CSMD1: variants seen among roughly 807,000 people sequenced by gnomAD.
CSMD1 encodes CUB and Sushi multiple domains 1, also known as CUB and sushi domain-containing protein 1.
Under a neutral mutation model 417.5 loss-of-function variants are expected in CSMD1, and 213 were observed. That is an observed-to-expected ratio of 0.51 (90% CI 0.46 to 0.57). CSMD1 has a LOEUF of 0.57. Ranked by LOEUF, CSMD1 falls within the 20% of genes least tolerant of loss-of-function variation. The pLI, the probability that CSMD1 is intolerant of heterozygous loss-of-function variation, is 0.00. For synonymous variants in CSMD1, 2,862 were observed against 1,736.8 expected (o/e 1.65, Z -16.11); for missense variants, 6,923 against 4,529.7 (o/e 1.53, Z -15.17).
chr8:4,599,320 A>G (rs756301465), intron 2 of CSMD1, among the ~76,000 whole-genome samples: 12 of 152,158 alleles, frequency 7.9e-5, no homozygotes, highest in Non-Finnish European at 1.0e-4. Flanking sequence ...TGTGTAGTCA[A>G]CTAGACAGAC....
At chr8:4,829,595 G>C (rs1347145458) in intron 1 of CSMD1, among the ~76,000 whole-genome samples, 3 of 152,008 alleles carry the variant, frequency 2.0e-5, no homozygotes, top group African/African-American at 7.3e-5. Flanking sequence ...TACACAATTA[G>C]CTGGGCACAG....
At chr8:3,995,183 C>T (rs569522969) in intron 5 of CSMD1, among the ~76,000 whole-genome samples, 1 of 152,064 alleles carries the variant, frequency 6.6e-6, no homozygotes, top group Non-Finnish European at 1.5e-5. Flanking sequence ...TAAAAGGGTA[C>T]TTCAAATTAT....
chr8:4,247,656 C>T (rs915669975), intron 3 of CSMD1, among the ~76,000 whole-genome samples: 1 of 152,134 alleles, frequency 6.6e-6, no homozygotes, highest in African/African-American at 2.4e-5. Flanking sequence ...CACCATTCAA[C>T]ATGTGAAATT....
At chr8:4,680,008 T>A (rs948296762) in intron 1 of CSMD1, among the ~76,000 whole-genome samples, 1 of 152,192 alleles carries the variant, frequency 6.6e-6, no homozygotes, top group South Asian at 2.1e-4. Flanking sequence ...TTTGTTTTAG[T>A]ACTCTTCAAG....
chr8:4,071,000 A>G (rs532827013), intron 3 of CSMD1, among the ~76,000 whole-genome samples: 7 of 152,090 alleles, frequency 4.6e-5, no homozygotes, highest in African/African-American at 1.7e-4. Context: ...TAATGCGTCC[A>G]TTTTCTGTGG....
chr8:3,893,768 G>C (rs761954439), intron 5 of CSMD1, among the ~76,000 whole-genome samples: 3 of 152,038 alleles, frequency 2.0e-5, no homozygotes, highest in Non-Finnish European at 4.4e-5. Flanking sequence ...ATTCAAGAAA[G>C]CTATCTTCAG....
intron 3 of CSMD1, among the ~76,000 whole-genome samples, chr8:4,054,229 C>T (rs529283958): frequency 3.3e-5 from 5 of 152,184 alleles, no homozygotes; most frequent in African/African-American, 9.6e-5. Context: ...TCTCTTGTAG[C>T]TGAACATGGA....
At position 3,277,197 on chromosome 8, in the gene CSMD1, G is replaced by A. The variant is rs144421400; in HGVS notation, c.4153+6947C>T. 2.3e-3 allele frequency among the ~76,000 whole-genome samples: 351 copies of A among 152,268 alleles called. 4 individuals are homozygous for A. The highest frequency in any genetic ancestry group is 8.3e-3 in the African/African-American group (343 of 41,562). ...GGATGATGTTGAAAATTGCTTAGGG[G>A]AAGTTTTCAGAGGGTTTTGTGGCCT... On this transcript the variant is annotated intron_variant, in intron 26 of 69. Coordinates refer to ENST00000635120, the MANE Select transcript of CSMD1 (RefSeq NM_033225.6).
intron 3 of CSMD1, among the ~76,000 whole-genome samples, chr8:4,295,329 T>TG (rs1797615244): frequency 7.2e-5 from 9 of 124,498 alleles, no homozygotes; most frequent in African/African-American, 2.3e-4. Context: ...TATGCACATA[T>TG]AATCTTAAGA....
chr8:4,880,618 G>C (rs1803330084), intron 1 of CSMD1, among the ~76,000 whole-genome samples: 1 of 151,958 alleles, frequency 6.6e-6, no homozygotes. Flanking sequence ...TATTGGATTT[G>C]AGATTTACTC....
intron 22 of CSMD1, among the ~76,000 whole-genome samples, chr8:3,346,288 A>G (rs916932249): frequency 6.6e-6 from 1 of 152,328 alleles, no homozygotes; most frequent in Non-Finnish European, 1.5e-5. Flanking sequence ...TTCCATTGCA[A>G]TAATATTTAT....
chr8:3,217,747 C>A (rs1322710477), intron 29 of CSMD1, among the ~76,000 whole-genome samples: 1 of 152,092 alleles, frequency 6.6e-6, no homozygotes, highest in Non-Finnish European at 1.5e-5. Context: ...GTAAATACCC[C>A]TAAGTGTGCA....
chr8:4,903,780 T>C (rs34680385), intron 1 of CSMD1, among the ~76,000 whole-genome samples: 8,348 of 152,236 alleles, frequency 0.055, 303 homozygotes, highest in East Asian at 0.19. Context: ...CCTGGAGTCT[T>C]CTTAGCAGCA....
chr8:3,907,849 C>T (rs1187474324), intron 5 of CSMD1, among the ~76,000 whole-genome samples: 2 of 152,196 alleles, frequency 1.3e-5, no homozygotes, highest in Non-Finnish European at 2.9e-5. Context: ...CAACTCTGTG[C>T]TCTGCGGTCC....
chr8:4,346,840 G>A (rs1336464762), intron 3 of CSMD1, among the ~76,000 whole-genome samples: 1 of 152,168 alleles, frequency 6.6e-6, no homozygotes, highest in Non-Finnish European at 1.5e-5. Context: ...TTGAGACTGA[G>A]GGCCTGAGGC....
chr8:3,860,389 T>A (rs1020447164), intron 5 of CSMD1, among the ~76,000 whole-genome samples: 3 of 152,190 alleles, frequency 2.0e-5, no homozygotes, highest in African/African-American at 7.2e-5. Context: ...AAAAAAATCA[T>A]CAGTCAAAAT....
At chr8:3,552,284 T>G (rs79754721) in intron 10 of CSMD1, among the ~76,000 whole-genome samples, 1,810 of 152,140 alleles carry the variant, frequency 0.012, 42 homozygotes, top group African/African-American at 0.041. Context: ...CTAATCTAAA[T>G]ATGCATCATC....
intron 7 of CSMD1, among the ~76,000 whole-genome samples, chr8:3,650,834 C>G (rs755826677): frequency 6.6e-6 from 1 of 152,148 alleles, no homozygotes; most frequent in Non-Finnish European, 1.5e-5. Flanking sequence ...TATACCATCT[C>G]CAATCCTGAC....
At chr8:4,257,070 G>C (rs1391385526) in intron 3 of CSMD1, among the ~76,000 whole-genome samples, 1 of 152,106 alleles carries the variant, frequency 6.6e-6, no homozygotes. Context: ...AAAATTGACA[G>C]TCTCTTCTTA....
Sources: gnomAD v4.1 joint callset for allele counts (sites outside exome capture counted in the v4.1 genomes callset) on GRCh38, gnomAD v4.1.1 for gene constraint, MANE v1.5 for transcripts, NCBI Gene and HGNC (gene_info 2026-07-23, HGNC 2026-07-21) for gene names.